ACBD7: variants seen among roughly 807,000 people sequenced by gnomAD.
ACBD7 encodes the protein acyl-CoA-binding domain-containing protein 7.
A neutral mutation model predicts 13.7 loss-of-function variants in ACBD7; 11 were observed. That is an observed-to-expected ratio of 0.80 (90% CI 0.50 to 1.33). The LOEUF (loss-of-function observed/expected upper bound fraction) is 1.33, where lower values mean the gene tolerates loss of function less well. Ranked by LOEUF, ACBD7 falls within the 40% of genes most tolerant of loss-of-function variation. ACBD7 has a pLI of 0.00. For synonymous variants in ACBD7, 43 were observed against 37.7 expected (o/e 1.14, Z -0.51); for missense variants, 111 against 103.0 (o/e 1.08, Z -0.33).
intron 1 of ACBD7, among the ~76,000 whole-genome samples, 187 bp from the exon 2 acceptor site, chr10:15,079,227 C>A (rs532610362): frequency 6.7e-6 from 1 of 150,326 alleles, no homozygotes; most frequent in East Asian, 2.0e-4. Flanking sequence ...ATATGAGGAA[C>A]TATAGAAAAT....
intron 1 of ACBD7, among the ~76,000 whole-genome samples, chr10:15,081,029 C>A (rs1192268129): frequency 1.3e-5 from 2 of 152,130 alleles, no homozygotes; most frequent in African/African-American, 4.8e-5. Context: ...CCCACTGTAA[C>A]CTCAGTACCC....
rs529539381 is a variant in ACBD7, at chr10:15,087,718, C to T, written c.12+999G>A. ...ACTTGAACTTGGGAGGCGGAGGTTGCGGTGAGCTGAGATTGCACCACTGCA... is the reference window on the plus strand; with the variant it reads ...ACTTGAACTTGGGAGGCGGAGGTTGTGGTGAGCTGAGATTGCACCACTGCA... On this transcript the variant is annotated intron_variant, in intron 1 of 3. Transcript: ENST00000356189. 3.0e-4 allele frequency among the ~76,000 whole-genome samples: 46 copies of T among 151,636 alleles called. 1 individual carries two copies. The South Asian group carries it at 8.3e-3, about 27-fold the overall frequency.
intron 1 of ACBD7, 185 bp downstream of exon 1, chr10:15,088,532 C>T: frequency 1.2e-6 from 1 of 832,392 alleles, no homozygotes; most frequent in Non-Finnish European, 1.7e-6. Flanking sequence ...CCCTGGGAGC[C>T]CTGGCTCGCC....
At chr10:15,088,450 G>T in intron 1 of ACBD7, 1 of 526,610 alleles carries the variant, frequency 1.9e-6, no homozygotes, top group Non-Finnish European at 3.3e-6. Context: ...GAGGAGGCCC[G>T]CTCCGTGCTC....
intron 1 of ACBD7, among the ~76,000 whole-genome samples, chr10:15,080,372 G>A (rs1589260109): frequency 6.6e-6 from 1 of 151,902 alleles, no homozygotes; most frequent in South Asian, 2.1e-4. Context: ...TTGAGGTCAG[G>A]AGTTCGAGAC....
At position 15,078,959 on chromosome 10, in the gene ACBD7, G is replaced by A. The variant is rs763399462; in HGVS notation, c.94C>T (p.Leu32Phe). The change falls in exon 2 of 4, where the codon CTT becomes TTT. Residue 32 changes from leucine (L) to phenylalanine (F), a missense_variant. Transcript: ENST00000356189. ...DDGELKELYG[L>F]YKQAIVGDIN... ...TCTCCAACTATTGCTTGTTTGTAAA[G>A]CCCATAGAGTTCTTTCAGTTCTCCA... 4 of 1,603,192 alleles carry A rather than the reference G, an allele frequency of 2.5e-6. No individual in the cohort carries two copies. In the East Asian group the frequency reaches 9.0e-5, roughly 36 times the overall value.
intron 1 of ACBD7, among the ~76,000 whole-genome samples, chr10:15,079,578 A>C (rs1003534228): frequency 1.4e-5 from 2 of 140,202 alleles, no homozygotes; most frequent in African/African-American, 5.3e-5. Flanking sequence ...CCTGATGGTG[A>C]GTTTGCTTTT....
intron 1 of ACBD7, among the ~76,000 whole-genome samples, chr10:15,081,332 G>A (rs1241251271): frequency 6.6e-6 from 1 of 152,102 alleles, no homozygotes; most frequent in South Asian, 2.1e-4. Flanking sequence ...GATTAAACAA[G>A]TTTTATTGGG....
In ACBD7 at chr10:15,076,825, T is replaced by A; in HGVS notation, c.*1705A>T. On this transcript the variant is annotated 3_prime_UTR_variant, in exon 4 of 4. Coordinates refer to ENST00000356189, the MANE Select transcript of ACBD7 (RefSeq NM_001039844.3). Reference sequence around the variant, plus strand: ...GCCTTGCCATTGATTCTTAATAACCTGTTTTTATTTCACCAGTAACATTAA... The same window carrying A: ...GCCTTGCCATTGATTCTTAATAACCAGTTTTTATTTCACCAGTAACATTAA... 1 of 985,404 alleles carries A rather than the reference T, an allele frequency of 1.0e-6. No individual in the cohort carries two copies. The highest frequency in any genetic ancestry group is 1.2e-6 in the Non-Finnish European group (1 of 829,928). 61.0% of individuals were successfully genotyped at this position (985,404 alleles called of 1,614,324 possible).
In ACBD7 at chr10:15,078,817, G is replaced by A; in HGVS notation, c.131-64C>T. The A allele has an allele frequency of 7.9e-6, 12 of 1,525,660 alleles. No homozygotes were observed. The South Asian group carries it at 1.5e-4, about 18-fold the overall frequency. 94.5% of individuals were successfully genotyped at this position (1,525,660 alleles called of 1,614,324 possible). A position where few individuals can be genotyped will look rare whatever the true frequency, so the allele number is the denominator to read the frequency against. On this transcript the variant is annotated intron_variant, in intron 2 of 3. Coordinates refer to ENST00000356189, the MANE Select transcript of ACBD7 (RefSeq NM_001039844.3). ...TTTACTGTGCACTTCTATAGACATTGTTCAAACGGAGTATATTACTATATT... is the reference window on the plus strand; with the variant it reads ...TTTACTGTGCACTTCTATAGACATTATTCAAACGGAGTATATTACTATATT...
chr10:15,078,848 T>G, intron 2 of ACBD7, 75 bp downstream of exon 2: 1 of 1,284,444 alleles, frequency 7.8e-7, no homozygotes, highest in Non-Finnish European at 1.0e-6. Flanking sequence ...ATATTTTAAG[T>G]AATTATATAT....
At chr10:15,086,325 C>G (rs1478105847) in intron 1 of ACBD7, among the ~76,000 whole-genome samples, 1 of 151,728 alleles carries the variant, frequency 6.6e-6, no homozygotes, top group Non-Finnish European at 1.5e-5. Flanking sequence ...AAAAAGTTAC[C>G]TTCCCCCAAT....
Position 15,078,961 on chromosome 10 carries a change from C to T in ACBD7, c.92G>A (p.Gly31Glu). 6.2e-7 allele frequency: 1 copy of T among 1,604,944 alleles called. No individual in the cohort carries two copies. Among genetic ancestry groups the T allele is most frequent in the Non-Finnish European group, 8.5e-7 (1 of 1,175,536 alleles). Residue 31 changes from glycine (G) to glutamate (E), a missense_variant, in exon 2 of 4, where the codon GGG (glycine) becomes GAG (glutamate). Coordinates refer to ENST00000356189, the MANE Select transcript of ACBD7 (RefSeq NM_001039844.3). The part of the protein sequence containing the change: ...PDDGELKELY[G>E]LYKQAIVGDI... ...TCCAACTATTGCTTGTTTGTAAAGC[C>T]CATAGAGTTCTTTCAGTTCTCCATC...
At chr10:15,084,743 G>C (rs1023759308) in intron 1 of ACBD7, among the ~76,000 whole-genome samples, 1 of 152,174 alleles carries the variant, frequency 6.6e-6, no homozygotes, top group African/African-American at 2.4e-5. Context: ...AGTCTGACTG[G>C]TTGGGGAAAG....
chr10:15,086,066 G>A (rs181084822), intron 1 of ACBD7, among the ~76,000 whole-genome samples: 12 of 152,302 alleles, frequency 7.9e-5, no homozygotes, highest in Admixed American at 6.5e-4. Context: ...CCAGCACTTT[G>A]GGAGGCTGAG....
chr10:15,076,705 T>G lies in ACBD7; in HGVS notation c.*1825A>C. The G allele has an allele frequency of 1.2e-6, 1 of 826,356 alleles. No individual in the cohort carries two copies. The highest frequency in any genetic ancestry group is 1.5e-6 in the Non-Finnish European group (1 of 685,386). The allele number at this position is 826,356 out of a possible 1,614,324, so 51.2% of individuals were successfully genotyped here. On this transcript the variant is annotated 3_prime_UTR_variant, in exon 4 of 4. Transcript: ENST00000356189. ...TTTTAGTAGAGATGGGGTTTTGCAA[T>G]GTTGGTCAGGCTGGTCTCGAACTTC...
At chr10:15,080,860 T>TA (rs1244270202) in intron 1 of ACBD7, among the ~76,000 whole-genome samples, 2 of 152,224 alleles carry the variant, frequency 1.3e-5, no homozygotes, top group African/African-American at 4.8e-5. Context: ...TACCTTGCCT[T>TA]ATTTTTTAAA....
chr10:15,078,316 C>A lies in ACBD7; in HGVS notation c.*214G>T, dbSNP rs1002606812. The stretch of plus-strand genomic sequence containing the variant: ...AGTATTCCATGGTGTATATGTGCCA[C>A]ATTTTCTTAAAAAGAACTTTTAAAG... On this transcript the variant is annotated 3_prime_UTR_variant, in exon 4 of 4. Transcript: ENST00000356189. The A allele has an allele frequency of 5.7e-6, 8 of 1,397,234 alleles. No individual in the cohort carries two copies. Among genetic ancestry groups the A allele is most frequent in the African/African-American group, 1.4e-5 (1 of 69,080 alleles). 86.6% of individuals were successfully genotyped at this position (1,397,234 alleles called of 1,614,324 possible). A position where few individuals can be genotyped will look rare whatever the true frequency, so the allele number is the denominator to read the frequency against.
At chr10:15,080,665 C>A (rs1049782038) in intron 1 of ACBD7, among the ~76,000 whole-genome samples, 1 of 152,138 alleles carries the variant, frequency 6.6e-6, no homozygotes, top group African/African-American at 2.4e-5. Flanking sequence ...TCCCTAACCC[C>A]GCAAGACCCT....
Sources: allele counts gnomAD v4.1 joint callset (sites outside exome capture counted in the v4.1 genomes callset), GRCh38; gene constraint gnomAD v4.1.1; transcripts MANE v1.5; gene names NCBI Gene and HGNC (gene_info 2026-07-23, HGNC 2026-07-21).